Variants in ADAMTSL1 observed in about 807,000 individuals in gnomAD.
The protein encoded by ADAMTSL1 is ADAMTS like 1.
ADAMTSL1 carries 126 observed loss-of-function variants against 201.8 expected under a neutral mutation model. The ratio of observed to expected loss-of-function variants is 0.62; its 90% CI spans 0.54 to 0.72. The LOEUF (loss-of-function observed/expected upper bound fraction) is 0.72, where lower values mean the gene tolerates loss of function less well. Among genes scored for constraint, ADAMTSL1 ranks in the 30% least tolerant of loss-of-function variants. ADAMTSL1 has a pLI of 0.00. For synonymous variants in ADAMTSL1, 1,121 were observed against 903.4 expected, an observed-to-expected ratio of 1.24 and a Z score of -4.32; for missense variants, 2,679 against 2,277.8, an observed-to-expected ratio of 1.18 and a Z score of -3.59.
intron 9 of ADAMTSL1, among the ~76,000 whole-genome samples, chr9:18,672,591 C>T (rs1029389529): frequency 3.9e-5 from 6 of 152,086 alleles, no homozygotes; most frequent in East Asian, 1.9e-4. Flanking sequence ...TAGATATGTA[C>T]ACCATCTATA....
intron 9 of ADAMTSL1, 125 bp from the exon 10 acceptor site, chr9:18,675,732 T>C: frequency 1.2e-6 from 1 of 867,110 alleles, no homozygotes. Flanking sequence ...TAGTGTTGTT[T>C]TATAGATACA....
At chr9:18,185,466 G>C (rs977018353) in intron 2 of ADAMTSL1, among the ~76,000 whole-genome samples, 4 of 152,062 alleles carry the variant, frequency 2.6e-5, no homozygotes, top group Non-Finnish European at 5.9e-5. Context: ...TATGCACACG[G>C]TCCTGACCCA....
At chr9:18,045,487 A>G (rs1821618677) in intron 1 of ADAMTSL1, among the ~76,000 whole-genome samples, 1 of 152,122 alleles carries the variant, frequency 6.6e-6, no homozygotes, top group Non-Finnish European at 1.5e-5. Context: ...TTTGACTAAA[A>G]CTTGGCATTA....
chr9:18,109,131 A>T (rs968447740), intron 1 of ADAMTSL1, among the ~76,000 whole-genome samples: 5 of 152,196 alleles, frequency 3.3e-5, no homozygotes, highest in Admixed American at 6.5e-5. Flanking sequence ...ATACAATTTT[A>T]TTGACAAATT....
rs185261083 is a variant in ADAMTSL1 at position 18,271,054 on chromosome 9, G to T, written c.207+107073G>T. ...CTACATTAGTCTGCATCATGAGCAA[G>T]AAATGCATGTTTATTGTTGTAAACA... On this transcript the variant is annotated intron_variant, in intron 2 of 29. Transcript: ENST00000680146. Among the ~76,000 whole-genome samples, 222 of 152,272 alleles carry T rather than the reference G, an allele frequency of 1.5e-3. 3 individuals are homozygous for T. Among genetic ancestry groups the T allele is most frequent in the Admixed American group, 0.013 (195 of 15,288 alleles).
chr9:18,847,736 G>A (rs1170424567), intron 23 of ADAMTSL1, among the ~76,000 whole-genome samples: 1 of 152,216 alleles, frequency 6.6e-6, no homozygotes, highest in Non-Finnish European at 1.5e-5. Flanking sequence ...CATGCCTAGT[G>A]TGTTCCAGGA....
At chr9:18,386,315 G>C (rs1351578993) in intron 2 of ADAMTSL1, among the ~76,000 whole-genome samples, 1 of 152,132 alleles carries the variant, frequency 6.6e-6, no homozygotes, top group African/African-American at 2.4e-5. Flanking sequence ...ATTTGATATG[G>C]TTCAGCTTTT....
At chr9:18,654,650 A>G (rs1828508711) in intron 7 of ADAMTSL1, among the ~76,000 whole-genome samples, 3 of 152,210 alleles carry the variant, frequency 2.0e-5, no homozygotes, top group Non-Finnish European at 2.9e-5. Context: ...TTATTGTTGC[A>G]TATCTTTTCA....
chr9:18,773,601 G>A (rs982126302), intron 17 of ADAMTSL1, among the ~76,000 whole-genome samples: 1 of 152,122 alleles, frequency 6.6e-6, no homozygotes, highest in South Asian at 2.1e-4. Context: ...CAACGGCTGG[G>A]TCTCCTCATC....
intron 2 of ADAMTSL1, among the ~76,000 whole-genome samples, chr9:18,256,244 A>C (rs554082196): frequency 6.6e-6 from 1 of 152,328 alleles, no homozygotes; most frequent in Non-Finnish European, 1.5e-5. Context: ...TGCTGGATCA[A>C]AGGCAAAGGG....
intron 1 of ADAMTSL1, among the ~76,000 whole-genome samples, chr9:17,997,754 A>G (rs1221784918): frequency 6.6e-6 from 1 of 152,064 alleles, no homozygotes; most frequent in African/African-American, 2.4e-5. Flanking sequence ...CATGTAGAAT[A>G]TGGTAGCATT....
chr9:17,993,846 G>T (rs904454285), intron 1 of ADAMTSL1, among the ~76,000 whole-genome samples: 3 of 152,070 alleles, frequency 2.0e-5, no homozygotes, highest in African/African-American at 7.2e-5. Flanking sequence ...TCTCTTGTGG[G>T]ATTTGGATTT....
chr9:18,510,121 TGACCTCTTAGA>T (rs2131965143), intron 2 of ADAMTSL1, among the ~76,000 whole-genome samples: 1 of 152,352 alleles, frequency 6.6e-6, no homozygotes, highest in South Asian at 2.1e-4. Context: ...TCTAGTAATA[TGACCTCTTAGA>T]GCACTCTCAG....
In ADAMTSL1 at chr9:18,769,608, C is replaced by T. The variant is rs1031686397; in HGVS notation, c.2218-994C>T. ...GCTTCTAACTTTTTGTTTGTGACAG[C>T]CCAAGATGGAAGCTTACATTTCAGA... On this transcript the variant is annotated intron_variant, in intron 16 of 28. Transcript: ENST00000380548. Among the ~76,000 whole-genome samples the T allele has an allele frequency of 5.9e-5, 9 of 152,306 alleles. No homozygotes were observed. The East Asian group carries it at 1.7e-3, about 29-fold the overall frequency.
At chr9:18,562,299 A>G (rs1160599755) in intron 3 of ADAMTSL1, among the ~76,000 whole-genome samples, 2 of 152,204 alleles carry the variant, frequency 1.3e-5, no homozygotes, top group Non-Finnish European at 1.5e-5. Flanking sequence ...TTGGCTGGAT[A>G]TGAAATTCTT....
intron 1 of ADAMTSL1, among the ~76,000 whole-genome samples, chr9:18,002,835 C>G (rs1489140448): frequency 6.6e-6 from 1 of 152,034 alleles, no homozygotes; most frequent in Non-Finnish European, 1.5e-5. Flanking sequence ...AGTTAAATGA[C>G]TTACCCAGAG....
intron 1 of ADAMTSL1, among the ~76,000 whole-genome samples, chr9:17,994,732 A>G (rs1342989094): frequency 6.6e-6 from 1 of 152,220 alleles, no homozygotes; most frequent in Admixed American, 6.6e-5. Flanking sequence ...CAGTTCATTT[A>G]CAATCCTGAT....
Position 18,776,882 on chromosome 9 carries a change from G to A in ADAMTSL1, c.2653G>A (p.Gly885Ser). 1.2e-6 allele frequency: 2 copies of A among 1,611,584 alleles called. No individual in the cohort carries two copies. The highest frequency in any genetic ancestry group is 2.2e-5 in the East Asian group (1 of 44,826). ...RQRKLHFVVG[G>S]FAYLLPKTAV... is the part of the protein sequence containing the mutation. ...GAGGAAGCTGCACTTCGTGGTGGGGGGCTTCGCCTACCTGCTCCCCAAGAC... is the reference window on the plus strand; with the variant it reads ...GAGGAAGCTGCACTTCGTGGTGGGGAGCTTCGCCTACCTGCTCCCCAAGAC... Residue 885 changes from glycine to serine, a missense_variant, in exon 19 of 29, where the codon GGC becomes AGC. Physicochemically the swap from Gly to Ser is moderately conservative, Grantham distance 56. Transcript: ENST00000380548.
rs575507458 is a variant in ADAMTSL1 at position 18,168,822 on chromosome 9, C to A, written c.207+4841C>A. On this transcript the variant is annotated intron_variant, in intron 2 of 29. Coordinates refer to the ADAMTSL1 transcript ENST00000680146. ...GACTTTTTAATGATCGCCATTCTAA[C>A]TGGTGTGAGATGGTATCTCATTGTG... is the stretch of plus-strand genomic sequence containing the variant. Among the ~76,000 whole-genome samples, 36 of 148,736 alleles carry A rather than the reference C, an allele frequency of 2.4e-4. No individual in the cohort carries two copies. The East Asian group carries it at 3.2e-3, about 13-fold the overall frequency.
Sources: allele counts gnomAD v4.1 joint callset (sites outside exome capture counted in the v4.1 genomes callset), GRCh38; gene constraint gnomAD v4.1.1; transcripts MANE v1.5; gene names NCBI Gene and HGNC (gene_info 2026-07-23, HGNC 2026-07-21).